The following CHLSN variants were observed in gnomAD, a reference collection of about 807,000 sequenced individuals.
CHLSN encodes the protein protein cholesin.
chr7:1,006,945 G>C, the CHLSN span, among the ~76,000 whole-genome samples: 2 of 152,210 alleles, frequency 1.3e-5, no homozygotes, highest in African/African-American at 4.8e-5. Context: ...TGCAAGAACA[G>C]CCCAGGGTAT....
the CHLSN span, among the ~76,000 whole-genome samples, chr7:1,099,004 A>G: frequency 0.24 from 36,247 of 152,028 alleles, 4,588 homozygotes; most frequent in African/African-American, 0.29. Flanking sequence ...TAAAGCTGCC[A>G]TTGAGACCAC....
the CHLSN span, chr7:1,010,278 C>T: frequency 1.4e-6 from 1 of 736,590 alleles, no homozygotes; most frequent in Middle Eastern, 3.2e-4. Flanking sequence ...GGTCTGGCCC[C>T]AGCCGACACC....
chr7:1,134,573 T>G, the CHLSN span, among the ~76,000 whole-genome samples: 1 of 136,478 alleles, frequency 7.3e-6, no homozygotes, highest in Non-Finnish European at 1.6e-5. Flanking sequence ...TGTCTCTAAA[T>G]AAATAAATAA....
chr7:998,792 T>C, the CHLSN span, among the ~76,000 whole-genome samples: 1 of 152,242 alleles, frequency 6.6e-6, no homozygotes, highest in Non-Finnish European at 1.5e-5. Flanking sequence ...CTTTTTCCTT[T>C]GTCGCTTGTG....
the CHLSN span, among the ~76,000 whole-genome samples, chr7:995,024 C>T: frequency 6.6e-6 from 1 of 152,250 alleles, no homozygotes; most frequent in Admixed American, 6.5e-5. Context: ...ACGTGAGGGT[C>T]GTCTCCAGGC....
At chr7:1,035,911 A>C in the CHLSN span, among the ~76,000 whole-genome samples, 15 of 152,348 alleles carry the variant, frequency 9.8e-5, no homozygotes, top group Admixed American at 9.8e-4. Context: ...AGGGGACTGG[A>C]TAACTGTAGT....
the CHLSN span, among the ~76,000 whole-genome samples, chr7:1,122,992 G>A: frequency 6.6e-6 from 1 of 152,144 alleles, no homozygotes. Context: ...CTCCTGCCGG[G>A]CCACCACAAG....
chr7:1,000,456 C>T, the CHLSN span: 21 of 1,578,248 alleles, frequency 1.3e-5, no homozygotes, highest in South Asian at 1.0e-4. Context: ...GTGCCTGCCC[C>T]GCCGTGCACA....
At chr7:1,006,798 G>A in the CHLSN span, among the ~76,000 whole-genome samples, 12 of 152,082 alleles carry the variant, frequency 7.9e-5, no homozygotes, top group African/African-American at 2.2e-4. Flanking sequence ...GGGAAAGAGC[G>A]CATGACGGCC....
chr7:1,038,366 G>A, the CHLSN span, among the ~76,000 whole-genome samples: 3 of 91,866 alleles, frequency 3.3e-5, 1 homozygote, highest in Non-Finnish European at 7.0e-5. Flanking sequence ...GCCTCTGCCC[G>A]GCCGCCCCTA....
the CHLSN span, among the ~76,000 whole-genome samples, chr7:1,039,586 C>T: frequency 8.9e-5 from 5 of 56,234 alleles, 2 homozygotes; most frequent in Admixed American, 1.6e-4. Flanking sequence ...CCGCCCCGTC[C>T]GGGAGGTGAG....
chr7:1,086,533 A>G, the CHLSN span, among the ~76,000 whole-genome samples: 1 of 152,242 alleles, frequency 6.6e-6, no homozygotes, highest in African/African-American at 2.4e-5. Flanking sequence ...AAATGTGTGT[A>G]TATTTCCTAA....
chr7:1,016,016 G>A, the CHLSN span, among the ~76,000 whole-genome samples: 17 of 149,452 alleles, frequency 1.1e-4, 1 homozygote, highest in African/African-American at 2.9e-4. Context: ...GAGGATCCCA[G>A]ACAAAACACG....
the CHLSN span, among the ~76,000 whole-genome samples, chr7:1,121,166 C>A: frequency 6.6e-6 from 1 of 152,208 alleles, no homozygotes; most frequent in Non-Finnish European, 1.5e-5. Flanking sequence ...TCAGTTCCCC[C>A]ACACGTAAGA....
the CHLSN span, among the ~76,000 whole-genome samples, chr7:1,050,200 G>A: frequency 6.6e-6 from 1 of 152,238 alleles, no homozygotes; most frequent in South Asian, 2.1e-4. Flanking sequence ...CAGCCTGCCT[G>A]TGCACCCTGT....
the CHLSN span, chr7:1,028,668 TC>T: frequency 3.1e-6 from 1 of 318,496 alleles, no homozygotes; most frequent in Non-Finnish European, 3.7e-6. Context: ...GCCCCTATCG[TC>T]CCCCTACTTC....
At chr7:1,009,901 G>A in the CHLSN span, 9 of 1,449,056 alleles carry the variant, frequency 6.2e-6, 1 homozygote, top group East Asian at 2.0e-4. Flanking sequence ...CTCAGGCAGG[G>A]GTTGAGACGC....
chr7:1,005,312 A>G, the CHLSN span, among the ~76,000 whole-genome samples: 1 of 152,144 alleles, frequency 6.6e-6, no homozygotes, highest in East Asian at 1.9e-4. Flanking sequence ...TCAACCCACA[A>G]AAAGCGGGGA....
At chr7:1,117,828 C>T in the CHLSN span, among the ~76,000 whole-genome samples, 4 of 152,362 alleles carry the variant, frequency 2.6e-5, no homozygotes, top group East Asian at 5.8e-4. Flanking sequence ...CCATCACCCA[C>T]ACGCCTTTTT....
Sources: gnomAD v4.1 joint callset for allele counts (sites outside exome capture counted in the v4.1 genomes callset) on GRCh38, gnomAD v4.1.1 for gene constraint, MANE v1.5 for transcripts, NCBI Gene and HGNC (gene_info 2026-07-23, HGNC 2026-07-21) for gene names.